CCNB1IP1: variants seen among roughly 807,000 people sequenced by gnomAD.
CCNB1IP1 encodes cyclin B1 interacting protein 1.
Under a neutral mutation model 25.6 loss-of-function variants are expected in CCNB1IP1, and 14 were observed. The ratio of observed to expected loss-of-function variants is 0.55; its 90% CI spans 0.36 to 0.85. The LOEUF (loss-of-function observed/expected upper bound fraction) is 0.85. Among genes scored for constraint, CCNB1IP1 ranks in the 40% least tolerant of loss-of-function variants. The pLI is 0.01. For missense variants in CCNB1IP1, 278 were observed against 342.4 expected (o/e 0.81, Z 1.48); for synonymous variants, 119 against 116.1 (o/e 1.02, Z -0.16).
chr14:20,318,327 G>C (rs973298219), intron 4 of CCNB1IP1: 1 of 152,106 alleles, frequency 6.6e-6, no homozygotes, highest in South Asian at 2.1e-4. Context: ...ACAAAAATTA[G>C]CTGGGCGTGG....
intron 4 of CCNB1IP1, 61 bp downstream of exon 4, chr14:20,325,478 A>G (rs1883048239): frequency 6.6e-6 from 1 of 152,072 alleles, no homozygotes. Flanking sequence ...GAAGTCACAA[A>G]CCTGAATTTT....
chr14:20,317,130 T>C (rs7142395), intron 4 of CCNB1IP1, among the ~76,000 whole-genome samples: 85,982 of 151,722 alleles, frequency 0.57, 25,213 homozygotes, highest in African/African-American at 0.73. Flanking sequence ...ATATATAGGC[T>C]GGGCGCGGTG....
chr14:20,317,900 A>C (rs138567848), intron 4 of CCNB1IP1: 1 of 152,368 alleles, frequency 6.6e-6, no homozygotes, highest in African/African-American at 2.4e-5. Flanking sequence ...ACTACGCCAG[A>C]GCGCGCATGC....
chr14:20,327,041 A>T (rs1883096437), intron 2 of CCNB1IP1, among the ~76,000 whole-genome samples: 1 of 152,058 alleles, frequency 6.6e-6, no homozygotes, highest in African/African-American at 2.4e-5. Flanking sequence ...GTGCCACTGT[A>T]CTCCAGCCTA....
intron 2 of CCNB1IP1, among the ~76,000 whole-genome samples, chr14:20,328,121 T>C (rs144688596): frequency 2.6e-5 from 4 of 152,320 alleles, no homozygotes; most frequent in African/African-American, 9.6e-5. Context: ...TCAAGCTGTA[T>C]AGAATTTGTA....
At chr14:20,323,917 CAAAAAAAAAAAAA>C (rs59156707) in intron 4 of CCNB1IP1, among the ~76,000 whole-genome samples, 5 of 73,718 alleles carry the variant, frequency 6.8e-5, no homozygotes, top group African/African-American at 2.9e-4. Context: ...GACTCCGTCT[CAAAAAAAAAAAAA>C]AAAAAAAAAA....
chr14:20,331,216 T>C (rs1033926741), intron 1 of CCNB1IP1, among the ~76,000 whole-genome samples: 2 of 152,182 alleles, frequency 1.3e-5, no homozygotes, highest in Non-Finnish European at 2.9e-5. Context: ...ATTTTCTAAG[T>C]AAACACTGAA....
Position 20,315,704 on chromosome 14 carries a change from A to G in CCNB1IP1, c.297+523T>C, listed in dbSNP as rs1882667940. 6.6e-6 allele frequency: 8 copies of G among 1,214,896 alleles called. No homozygotes were observed. The South Asian group carries it at 1.1e-4, about 16-fold the overall frequency. The allele number at this position is 1,214,896 out of a possible 1,614,324, so 75.3% of individuals were successfully genotyped here. Reference sequence around the variant, plus strand: ...CATAGCATTTTAATAACTTGGAAATAAATTATGATACAATATAACCATTAA... The same window carrying G: ...CATAGCATTTTAATAACTTGGAAATGAATTATGATACAATATAACCATTAA... On this transcript the variant is annotated intron_variant, in intron 5 of 6. Coordinates refer to ENST00000358932, the MANE Select transcript of CCNB1IP1 (RefSeq NM_021178.5).
At chr14:20,321,596 C>G (rs1386194142) in intron 4 of CCNB1IP1, among the ~76,000 whole-genome samples, 3 of 152,120 alleles carry the variant, frequency 2.0e-5, no homozygotes, top group Non-Finnish European at 4.4e-5. Flanking sequence ...GGACTACAGG[C>G]ACGCTGCCCC....
chr14:20,320,853 T>C (rs1035492001), intron 4 of CCNB1IP1, among the ~76,000 whole-genome samples: 1 of 142,888 alleles, frequency 7.0e-6, no homozygotes, highest in Non-Finnish European at 1.5e-5. Flanking sequence ...TCCATGAGAA[T>C]CAGGCCAGGC....
At chr14:20,317,894 C>T (rs561887258) in intron 4 of CCNB1IP1, 15 of 152,262 alleles carry the variant, frequency 9.9e-5, no homozygotes, top group Non-Finnish European at 1.8e-4. Context: ...CAGGGAACTA[C>T]GCCAGAGCGC....
At chr14:20,327,927 A>C (rs774116226) in intron 2 of CCNB1IP1, among the ~76,000 whole-genome samples, 6 of 152,204 alleles carry the variant, frequency 3.9e-5, no homozygotes, top group Non-Finnish European at 8.8e-5. Flanking sequence ...TAGAGTTAAA[A>C]ATTAAATTTC....
chr14:20,331,551 T>C (rs1419721240), intron 1 of CCNB1IP1, among the ~76,000 whole-genome samples: 1 of 152,176 alleles, frequency 6.6e-6, no homozygotes, highest in East Asian at 1.9e-4. Context: ...AATGCCTTTA[T>C]GCCAACTGAC....
chr14:20,317,265 G>A (rs1009733431), intron 4 of CCNB1IP1, among the ~76,000 whole-genome samples: 4 of 152,024 alleles, frequency 2.6e-5, no homozygotes, highest in South Asian at 4.2e-4. Flanking sequence ...AATTAGCTGG[G>A]TGTGGTGGCG....
chr14:20,326,510 T>C (rs372332360), intron 3 of CCNB1IP1: 66 of 534,638 alleles, frequency 1.2e-4, no homozygotes, highest in African/African-American at 1.2e-3. Flanking sequence ...TTAACATGCA[T>C]TTCATCATGG....
chr14:20,325,193 G>A (rs1424774044), intron 4 of CCNB1IP1, among the ~76,000 whole-genome samples: 3 of 150,652 alleles, frequency 2.0e-5, no homozygotes, highest in East Asian at 2.0e-4. Context: ...AGGCCGAGGC[G>A]GGCGGATCAC....
At position 20,311,424 on chromosome 14, in the gene CCNB1IP1, G is replaced by T; in HGVS notation, c.*126C>A. The T allele has an allele frequency of 1.4e-6, 1 of 724,038 alleles. No homozygotes were observed. The highest frequency in any genetic ancestry group is 2.4e-6 in the Non-Finnish European group (1 of 418,670). 44.9% of individuals were successfully genotyped at this position (724,038 alleles called of 1,614,324 possible). On this transcript the variant is annotated 3_prime_UTR_variant, in exon 7 of 7. Transcript: ENST00000358932. Reference sequence around the variant, plus strand: ...TTTAGAAACAGGGTCTCACTCTGTTGCCCAGGCTGGAGTGCAGTGGCATGA... The same window carrying T: ...TTTAGAAACAGGGTCTCACTCTGTTTCCCAGGCTGGAGTGCAGTGGCATGA...
At position 20,311,624 on chromosome 14, in the gene CCNB1IP1, T is replaced by G; in HGVS notation, c.760A>C (p.Ser254Arg). ...TAPEPSNSFF[S>R]FVSPSRELEQ... ...AATTCACGACTTGGAGAGACAAAACTAAAAAAGCTGTTGCTGGGTTCAGGT... is the reference window on the plus strand; with the variant it reads ...AATTCACGACTTGGAGAGACAAAACGAAAAAAGCTGTTGCTGGGTTCAGGT... The change falls in exon 7 of 7, where the codon AGT becomes CGT. Residue 254 changes from serine (S) to arginine (R), a missense_variant. By Grantham distance (110) the Ser-to-Arg change is moderately radical. Coordinates refer to ENST00000358932, the MANE Select transcript of CCNB1IP1 (RefSeq NM_021178.5). 1 of 1,613,964 alleles carries G rather than the reference T, an allele frequency of 6.2e-7. No individual in the cohort carries two copies. The highest frequency in any genetic ancestry group is 8.5e-7 in the Non-Finnish European group (1 of 1,179,984).
At chr14:20,323,717 A>G (rs1016129622) in intron 4 of CCNB1IP1, among the ~76,000 whole-genome samples, 1 of 152,050 alleles carries the variant, frequency 6.6e-6, no homozygotes, top group Non-Finnish European at 1.5e-5. Context: ...TCATGAGGTC[A>G]GAAGATCGAG....
Sources: allele counts gnomAD v4.1 joint callset (sites outside exome capture counted in the v4.1 genomes callset), GRCh38; gene constraint gnomAD v4.1.1; transcripts MANE v1.5; gene names NCBI Gene and HGNC (gene_info 2026-07-23, HGNC 2026-07-21).